The following UBE2F variants were observed in gnomAD, a reference collection of about 807,000 sequenced individuals.
The protein encoded by UBE2F is NEDD8-conjugating enzyme UBE2F.
UBE2F carries 5 observed loss-of-function variants against 29.6 expected under a neutral mutation model. The ratio of observed to expected loss-of-function variants is 0.17; its 90% confidence interval spans 0.09 to 0.36. The LOEUF (loss-of-function observed/expected upper bound fraction) is 0.36, where lower values mean the gene tolerates loss of function less well. UBE2F is among the 10% of genes least tolerant of loss of function. The pLI, the probability that UBE2F is intolerant of heterozygous loss-of-function variation, is 1.00. For missense variants in UBE2F, 141 were observed against 228.5 expected (o/e 0.62, Z 2.47); for synonymous variants, 66 against 81.8 (o/e 0.81, Z 1.04).
rs567422404 is a variant in UBE2F at position 237,973,951 on chromosome 2, A to G, written c.118+726A>G. 3.9e-5 allele frequency among the ~76,000 whole-genome samples: 6 copies of G among 152,338 alleles called. No homozygotes were observed. In the South Asian group the frequency reaches 1.2e-3, roughly 32 times the overall value. On this transcript the variant is annotated intron_variant, in intron 2 of 9. Coordinates refer to ENST00000272930, the MANE Select transcript of UBE2F (RefSeq NM_080678.3). ...GATGAAGAAACAGTTGCAACCTTTA[A>G]GGAGATTATAATTTGCTTATTTATA...
chr2:237,967,018 C>T lies in UBE2F; in HGVS notation c.-131C>T. On this transcript the variant is annotated 5_prime_UTR_variant, in exon 1 of 10. Coordinates refer to ENST00000272930, the MANE Select transcript of UBE2F (RefSeq NM_080678.3). This position sits in a 1 kb window ranked among gnomAD's most constrained non-coding sequence, Gnocchi z 6.3. Reference sequence around the variant, plus strand: ...CGGCCGAGTCCCCGCCCCGCCACTTCCGGTCCCGCCGCCGGGAGCCGGTGC... The same window carrying T: ...CGGCCGAGTCCCCGCCCCGCCACTTTCGGTCCCGCCGCCGGGAGCCGGTGC... The T allele has an allele frequency of 7.9e-7, 1 of 1,261,078 alleles. No homozygotes were observed. The highest frequency in any genetic ancestry group is 1.0e-6 in the Non-Finnish European group (1 of 994,108). The allele number at this position is 1,261,078 out of a possible 1,614,324, so 78.1% of individuals were successfully genotyped here.
At chr2:237,968,436 G>C (rs957547921) in intron 1 of UBE2F, among the ~76,000 whole-genome samples, 5 of 152,196 alleles carry the variant, frequency 3.3e-5, no homozygotes, top group Non-Finnish European at 1.5e-5. Context: ...TGTGGACTTT[G>C]TTGTGCCCTG....
chr2:237,994,179 T>G (rs2063645665), intron 3 of UBE2F, among the ~76,000 whole-genome samples: 1 of 150,976 alleles, frequency 6.6e-6, no homozygotes, highest in South Asian at 2.1e-4. Flanking sequence ...GGCGCGATCT[T>G]GGCTCACTGC....
chr2:238,036,007 G>T, intron 9 of UBE2F, 67 bp downstream of exon 9: 2 of 1,397,194 alleles, frequency 1.4e-6, no homozygotes, highest in Non-Finnish European at 2.0e-6. Flanking sequence ...ACTGTCTCTT[G>T]ATTGGATAAA....
chr2:238,026,672 A>T (rs1054494812), intron 6 of UBE2F, among the ~76,000 whole-genome samples: 1 of 152,060 alleles, frequency 6.6e-6, no homozygotes, highest in African/African-American at 2.4e-5. Flanking sequence ...TGACCTTGTG[A>T]TCTGCCCGCC....
intron 8 of UBE2F, 114 bp downstream of exon 8, chr2:238,032,368 C>A: frequency 1.1e-6 from 1 of 948,466 alleles, no homozygotes; most frequent in Non-Finnish European, 1.7e-6. Context: ...GAAACATGGA[C>A]TGGGCACAGT....
In UBE2F at chr2:237,994,741, C is replaced by T. The variant is rs761431527; in HGVS notation, c.149-3C>T. ...CCTTCCTGATGTGCTGTTTCTTTTG[C>T]AGGTACATGTAAAGTGCATTTTCCT... is the stretch of plus-strand genomic sequence containing the variant. On this transcript the variant is annotated splice_region_variant and splice_polypyrimidine_tract_variant and intron_variant, in intron 3 of 9. Transcript: ENST00000272930. 1.9e-6 allele frequency: 3 copies of T among 1,613,642 alleles called. No homozygotes were observed. The highest frequency in any genetic ancestry group is 1.7e-6 in the Non-Finnish European group (2 of 1,179,618).
At chr2:238,009,068 C>T (rs1320807297) in intron 4 of UBE2F, among the ~76,000 whole-genome samples, 2 of 152,162 alleles carry the variant, frequency 1.3e-5, no homozygotes, top group Non-Finnish European at 2.9e-5. Flanking sequence ...ATTCTACTGC[C>T]TTCTGTATTT....
rs921676479 is a variant in UBE2F at position 238,041,819 on chromosome 2, C to T, written c.*481C>T. The T allele has an allele frequency of 6.5e-5, 10 of 154,536 alleles. No homozygotes were observed. Among genetic ancestry groups the T allele is most frequent in the African/African-American group, 2.4e-4 (10 of 41,498 alleles). The allele number at this position is 154,536 out of a possible 1,614,324, so 9.6% of individuals were successfully genotyped here. A position where few individuals can be genotyped will look rare whatever the true frequency, so the allele number is the denominator to read the frequency against. ...CTTCTTTCACGAATGTTGGCCCTGC[C>T]TAGATGTTGTGAAGCCTCCCAGAAT... On this transcript the variant is annotated 3_prime_UTR_variant, in exon 10 of 10. Transcript: ENST00000272930.
chr2:238,020,991 C>T (rs1390581708), intron 5 of UBE2F, among the ~76,000 whole-genome samples: 1 of 152,210 alleles, frequency 6.6e-6, no homozygotes, highest in Non-Finnish European at 1.5e-5. Flanking sequence ...CGTGACATGG[C>T]CTGGGGATGC....
At position 237,967,669 on chromosome 2, in the gene UBE2F, T is replaced by A. The variant is rs1439032026; in HGVS notation, c.-17+537T>A. ...GAGGGGAGTGACAACTCGCGCCCGG[T>A]CCTCGTACCTGCAGCGGGAAGAGTA... On this transcript the variant is annotated intron_variant, in intron 1 of 9. Coordinates refer to ENST00000272930, the MANE Select transcript of UBE2F (RefSeq NM_080678.3). This position sits in a 1 kb window ranked among gnomAD's most constrained non-coding sequence, Gnocchi z 6.3. Among the ~76,000 whole-genome samples, 5 of 152,236 alleles carry A rather than the reference T, an allele frequency of 3.3e-5. No homozygotes were observed. Among genetic ancestry groups the A allele is most frequent in the African/African-American group, 1.2e-4 (5 of 41,538 alleles).
At chr2:238,018,468 T>C (rs2106386406) in intron 5 of UBE2F, among the ~76,000 whole-genome samples, 1 of 152,246 alleles carries the variant, frequency 6.6e-6, no homozygotes, top group African/African-American at 2.4e-5. Context: ...TAAGAGAAAA[T>C]ACCAGGGAAG....
intron 4 of UBE2F, among the ~76,000 whole-genome samples, chr2:238,005,408 G>A (rs1438100103): frequency 6.6e-6 from 1 of 152,084 alleles, no homozygotes; most frequent in African/African-American, 2.4e-5. Flanking sequence ...TGTTGCACAA[G>A]CTAGTCTTGA....
intron 8 of UBE2F, among the ~76,000 whole-genome samples, chr2:238,034,572 G>A (rs1215329823): frequency 6.6e-6 from 1 of 152,104 alleles, no homozygotes; most frequent in African/African-American, 2.4e-5. Context: ...TTTATCTTAG[G>A]TCTAACATAT....
At chr2:238,022,039 T>C (rs1337531160) in intron 5 of UBE2F, among the ~76,000 whole-genome samples, 1 of 152,250 alleles carries the variant, frequency 6.6e-6, no homozygotes, top group Non-Finnish European at 1.5e-5. Flanking sequence ...TCACCATCCA[T>C]GTTTGAAAAT....
chr2:238,015,577 T>C (rs1266029754), intron 4 of UBE2F, among the ~76,000 whole-genome samples: 1 of 151,280 alleles, frequency 6.6e-6, no homozygotes, highest in East Asian at 1.9e-4. Context: ...CGGTCTCAAC[T>C]CTTAAGGAAT....
chr2:237,975,189 C>G (rs748992979), intron 2 of UBE2F, among the ~76,000 whole-genome samples: 2 of 152,032 alleles, frequency 1.3e-5, no homozygotes, highest in African/African-American at 4.8e-5. Flanking sequence ...GCAGCTTCAG[C>G]CTTCTGGGCT....
chr2:238,033,842 T>C (rs1381141892), intron 8 of UBE2F, among the ~76,000 whole-genome samples: 1 of 152,214 alleles, frequency 6.6e-6, no homozygotes, highest in African/African-American at 2.4e-5. Context: ...GGCTTTTTCA[T>C]TGAAGTGAAT....
chr2:237,978,818 GTGT>G (rs1288169340), intron 2 of UBE2F, among the ~76,000 whole-genome samples: 2 of 152,326 alleles, frequency 1.3e-5, no homozygotes, highest in South Asian at 2.1e-4. Context: ...GCCATTGCCA[GTGT>G]TGTTGTTGGC....
Sources: allele counts gnomAD v4.1 joint callset (sites outside exome capture counted in the v4.1 genomes callset), GRCh38; gene constraint gnomAD v4.1.1; non-coding constraint Gnocchi (gnomAD v3.1); transcripts MANE v1.5; gene names NCBI Gene and HGNC (gene_info 2026-07-23, HGNC 2026-07-21).